Variants in SASH1 observed in about 807,000 individuals in gnomAD.
SASH1 encodes SAM and SH3 domain-containing protein 1.
Under a neutral mutation model 125.2 loss-of-function variants are expected in SASH1, and 44 were observed. The ratio of observed to expected loss-of-function variants is 0.35; its 90% confidence interval spans 0.28 to 0.45. The LOEUF is 0.45. SASH1 is among the 20% of genes least tolerant of loss of function. The pLI is 1.00. For synonymous variants in SASH1, 639 were observed against 649.1 expected, an observed-to-expected ratio of 0.98 and a Z score of 0.24; for missense variants, 1,426 against 1,614.5, an observed-to-expected ratio of 0.88 and a Z score of 2.00.
chr6:148,252,056 C>T, the SASH1 span, among the ~76,000 whole-genome samples: 8 of 152,088 alleles, frequency 5.3e-5, no homozygotes, highest in African/African-American at 1.7e-4. Context: ...ACTTAAATCC[C>T]GGAAATGCAT....
intron 8 of SASH1, chr6:148,513,823 ATC>A: frequency 1.0e-6 from 1 of 986,220 alleles, no homozygotes; most frequent in Non-Finnish European, 1.2e-6. Context: ...GGCTGTTTGC[ATC>A]TCTTTCCCTT....
At chr6:148,305,623 C>CAAAAAAAAAAAAAAA (rs59521298) in intron 1 of SASH1, among the ~76,000 whole-genome samples, 5 of 104,372 alleles carry the variant, frequency 4.8e-5, no homozygotes, top group East Asian at 3.0e-4. Context: ...GACTCTGACT[C>CAAAAAAAAAAAAAAA]AAAAAAAAAA....
At chr6:148,471,025 A>ACC (rs1201004202) in intron 5 of SASH1, among the ~76,000 whole-genome samples, 3 of 152,158 alleles carry the variant, frequency 2.0e-5, no homozygotes, top group African/African-American at 7.2e-5. Context: ...TGAACTTCTT[A>ACC]AAATACCCTA....
intron 4 of SASH1, among the ~76,000 whole-genome samples, chr6:148,446,447 C>T (rs920574425): frequency 1.3e-5 from 2 of 151,908 alleles, no homozygotes; most frequent in South Asian, 2.1e-4. Flanking sequence ...ATAGACATTG[C>T]GTAGGAGACT....
At chr6:148,469,826 G>A (rs1486150672) in intron 5 of SASH1, among the ~76,000 whole-genome samples, 1 of 152,072 alleles carries the variant, frequency 6.6e-6, no homozygotes, top group African/African-American at 2.4e-5. Flanking sequence ...AGGAGTTCGA[G>A]ACCAGCCTGG....
chr6:148,335,689 C>CCTCA (rs1185565258), intron 1 of SASH1, among the ~76,000 whole-genome samples: 1 of 152,064 alleles, frequency 6.6e-6, no homozygotes, highest in Non-Finnish European at 1.5e-5. Flanking sequence ...TACATCTGAA[C>CCTCA]CTCAGCTCAA....
In SASH1 at chr6:148,298,725, AGGAGGGAG is replaced by A. The variant is rs1245391811; in HGVS notation, n.74+26360_74+26367del. ...AGGAAGGAAGGAAGAAGGAAGGGAAAGGAGGGAGGGAGGGAGGGAAAGGAAGGAAGAAA... is the reference window on the plus strand; with the variant it reads ...AGGAAGGAAGGAAGAAGGAAGGGAAAGGAGGGAGGGAAAGGAAGGAAGAAA... On this transcript the variant is annotated intron_variant and non_coding_transcript_variant, in intron 1 of 3. Coordinates refer to the SASH1 transcript ENST00000367469. Among the ~76,000 whole-genome samples the A allele has an allele frequency of 1.0e-3, 81 of 79,954 alleles. 1 individual carries two copies. Among genetic ancestry groups the A allele is most frequent in the Non-Finnish European group, 2.8e-4 (12 of 42,518 alleles). 52.5% of individuals were successfully genotyped at this position (79,954 alleles called of 152,430 possible).
intron 1 of SASH1, among the ~76,000 whole-genome samples, chr6:148,298,709 GGAA>G (rs373143432): frequency 0.078 from 5,936 of 76,402 alleles, 286 homozygotes; most frequent in Non-Finnish European, 0.094. Flanking sequence ...AAGGAAGGAA[GGAA>G]GAAGGAAGGG....
rs1242587612 is a variant in SASH1 at position 148,487,684 on chromosome 6, A to G, written c.698A>G (p.Tyr233Cys). ...LDPADWPDGS[Y>C]PTFDGSSNCN... ...CCTGCTGACTGGCCAGATGGTTCTTACCCAACGTTTGATGGCTCATCAAAC... is the reference window on the plus strand; with the variant it reads ...CCTGCTGACTGGCCAGATGGTTCTTGCCCAACGTTTGATGGCTCATCAAAC... Residue 233 changes from tyrosine to cysteine, a missense_variant, in exon 8 of 20, where the codon TAC (tyrosine) becomes TGC (cysteine). By Grantham distance (194) the Tyr-to-Cys change is radical. Coordinates refer to ENST00000367467, the MANE Select transcript of SASH1 (RefSeq NM_015278.5). 2 of 1,613,514 alleles carry G rather than the reference A, an allele frequency of 1.2e-6. No individual in the cohort carries two copies. Among genetic ancestry groups the G allele is most frequent in the South Asian group, 2.2e-5 (2 of 91,022 alleles).
chr6:148,423,042 G>T (rs559086556), intron 2 of SASH1, among the ~76,000 whole-genome samples: 33 of 152,230 alleles, frequency 2.2e-4, no homozygotes, highest in Admixed American at 2.2e-3. Flanking sequence ...AGGTTCAAGC[G>T]ATTCTCCTGC....
intron 1 of SASH1, among the ~76,000 whole-genome samples, chr6:148,293,713 T>C (rs1284893754): frequency 2.6e-5 from 4 of 152,186 alleles, no homozygotes; most frequent in African/African-American, 9.6e-5. Flanking sequence ...GCTCAAGAGG[T>C]GCTGTGAGTT....
intron 2 of SASH1, among the ~76,000 whole-genome samples, chr6:148,412,601 T>C (rs954577755): frequency 6.6e-6 from 1 of 152,184 alleles, no homozygotes; most frequent in Non-Finnish European, 1.5e-5. Context: ...TGTATTTGGC[T>C]CAGGGTTCTT....
At chr6:148,490,145 C>A (rs765126326) in intron 8 of SASH1, among the ~76,000 whole-genome samples, 1 of 151,506 alleles carries the variant, frequency 6.6e-6, no homozygotes, top group Non-Finnish European at 1.5e-5. Flanking sequence ...TTCAATATGA[C>A]CAAAACAGTG....
At chr6:148,508,671 C>G in intron 8 of SASH1, 2 of 1,171,770 alleles carry the variant, frequency 1.7e-6, no homozygotes, top group Non-Finnish European at 2.1e-6. Context: ...GTGTCTTCCC[C>G]TTTCTCCTTC....
At chr6:148,271,578 T>C (rs1452581589), upstream of SASH1, among the ~76,000 whole-genome samples, 10 of 152,242 alleles carry the variant, frequency 6.6e-5, no homozygotes, top group Non-Finnish European at 1.3e-4. Context: ...TTCCTTTAGA[T>C]GTCTTCAAAA....
rs374961446 is a variant in SASH1, at chr6:148,387,629, T to C, written c.157-2505T>C. Among the ~76,000 whole-genome samples, 52 of 74,380 alleles carry C rather than the reference T, an allele frequency of 7.0e-4. 4 individuals carry two copies. Among genetic ancestry groups the C allele is most frequent in the Admixed American group, 2.1e-3 (12 of 5,810 alleles). 48.8% of individuals were successfully genotyped at this position (74,380 alleles called of 152,430 possible). On this transcript the variant is annotated intron_variant, in intron 1 of 19. Transcript: ENST00000367467. ...CTTTCTTTCTTTCTTTCTTTCTTTC[T>C]TTCTTTCTTTCTTTCTTTCTTTCTT...
At chr6:148,256,067 A>G in the SASH1 span, among the ~76,000 whole-genome samples, 2 of 152,150 alleles carry the variant, frequency 1.3e-5, no homozygotes, top group African/African-American at 4.8e-5. Context: ...GGCCTCAATT[A>G]TCTATAGGAA....
chr6:148,420,798 TG>T (rs1785026165), intron 2 of SASH1, among the ~76,000 whole-genome samples: 1 of 152,216 alleles, frequency 6.6e-6, no homozygotes, highest in Admixed American at 6.5e-5. Context: ...TAGAAATAAG[TG>T]GCTGGGCACA....
the SASH1 span, among the ~76,000 whole-genome samples, chr6:148,246,361 G>A: frequency 6.6e-6 from 1 of 152,192 alleles, no homozygotes; most frequent in Non-Finnish European, 1.5e-5. Flanking sequence ...AAAATTTTAA[G>A]GTAGTGGGGT....
Sources: gnomAD v4.1 joint callset for allele counts (sites outside exome capture counted in the v4.1 genomes callset) on GRCh38, gnomAD v4.1.1 for gene constraint, MANE v1.5 for transcripts, NCBI Gene and HGNC (gene_info 2026-07-23, HGNC 2026-07-21) for gene names.